Variants in LRRC74A observed in about 807,000 individuals in gnomAD.
LRRC74A encodes leucine-rich repeat-containing protein 74A.
In LRRC74A, 44 loss-of-function variants were observed where a neutral mutation model predicts 57.9. The observed-to-expected ratio is 0.76, with a 90% confidence interval of 0.60 to 0.98. The LOEUF (loss-of-function observed/expected upper bound fraction) is 0.98. Among genes scored for constraint, LRRC74A ranks in the 50% least tolerant of loss-of-function variants. The pLI is 0.00. For missense variants in LRRC74A, 572 were observed against 574.0 expected, an observed-to-expected ratio of 1.00 and a Z score of 0.04; for synonymous variants, 211 against 219.4, an observed-to-expected ratio of 0.96 and a Z score of 0.34.
intron 10 of LRRC74A, among the ~76,000 whole-genome samples, chr14:76,859,662 CT>C (rs1025552496): frequency 0.034 from 2,743 of 80,960 alleles, 22 homozygotes; most frequent in African/African-American, 0.091. Context: ...CTGAATTAGC[CT>C]TTTTTTTTTT....
chr14:76,857,378 A>G lies in LRRC74A; in HGVS notation c.958-2A>G, dbSNP rs1237498133. 2 of 1,566,812 alleles carry G rather than the reference A, an allele frequency of 1.3e-6. No individual in the cohort carries two copies. The highest frequency in any genetic ancestry group is 2.3e-5 in the East Asian group (1 of 43,310). On this transcript the variant is annotated splice_acceptor_variant, in intron 9 of 13. Transcript: ENST00000689127. LOFTEE classifies it high-confidence loss of function. ...CCTCTTGTCTTGATTCTCCCTCTAT[A>G]GCTTTTCCTGAATCCCATAAATATG...
rs12887319 is a variant in LRRC74A at position 76,837,991 on chromosome 14, G to A, written c.544+20G>A. 102,038 of 1,458,868 alleles carry A rather than the reference G, an allele frequency of 0.07. 3,993 individuals are homozygous for A. The highest frequency in any genetic ancestry group is 0.077 in the Non-Finnish European group (82,248 of 1,061,402). 90.4% of individuals were successfully genotyped at this position (1,458,868 alleles called of 1,614,324 possible). ...TTTCAGGTGAGCACATGGAAAGGGA[G>A]GGAGAAGACACTGGGAATCAGAGGG... On this transcript the variant is annotated intron_variant, in intron 5 of 13. Transcript: ENST00000689127.
chr14:76,845,919 G>A (rs1165101521), intron 7 of LRRC74A, among the ~76,000 whole-genome samples: 1 of 152,236 alleles, frequency 6.6e-6, no homozygotes, highest in Admixed American at 6.5e-5. Context: ...TCGGGAAGCT[G>A]AGGCAGGAGA....
At chr14:76,851,749 T>G (rs898156687) in intron 7 of LRRC74A, among the ~76,000 whole-genome samples, 1 of 151,322 alleles carries the variant, frequency 6.6e-6, no homozygotes, top group Admixed American at 6.6e-5. Context: ...CACTGCAACC[T>G]CTGCCTCCCG....
At chr14:76,839,762 G>A (rs1395504299) in intron 5 of LRRC74A, among the ~76,000 whole-genome samples, 1 of 152,132 alleles carries the variant, frequency 6.6e-6, no homozygotes, top group Non-Finnish European at 1.5e-5. Context: ...ATGTTAGAAT[G>A]TTAGATACGG....
intron 7 of LRRC74A, among the ~76,000 whole-genome samples, chr14:76,848,695 G>GTTC (rs1268867754): frequency 6.6e-6 from 1 of 152,208 alleles, no homozygotes; most frequent in African/African-American, 2.4e-5. Flanking sequence ...TCCAAGGAGA[G>GTTC]TTCTTAAGGA....
Position 76,845,422 on chromosome 14 carries a change from A to T in LRRC74A, c.676+521A>T, listed in dbSNP as rs536308939. On this transcript the variant is annotated intron_variant, in intron 7 of 13. Coordinates refer to ENST00000689127, the MANE Select transcript of LRRC74A (RefSeq NM_001385106.1). ...CAAACACCTGGACATGGGAAGTAAAACTTTACGATGATTAGAAGAACACAG... is the reference window on the plus strand; with the variant it reads ...CAAACACCTGGACATGGGAAGTAAATCTTTACGATGATTAGAAGAACACAG... Among the ~76,000 whole-genome samples, 3 of 152,210 alleles carry T rather than the reference A, an allele frequency of 2.0e-5. No homozygotes were observed. In the South Asian group the frequency reaches 6.2e-4, roughly 32 times the overall value.
chr14:76,849,403 C>T (rs542378757), intron 7 of LRRC74A, among the ~76,000 whole-genome samples: 1 of 151,992 alleles, frequency 6.6e-6, no homozygotes, highest in African/African-American at 2.4e-5. Context: ...GTGATCCACC[C>T]TCCTCGGCCT....
chr14:76,833,078 G>A (rs1205790922), intron 3 of LRRC74A, among the ~76,000 whole-genome samples: 1 of 152,216 alleles, frequency 6.6e-6, no homozygotes, highest in Non-Finnish European at 1.5e-5. Context: ...GGATCTGAAA[G>A]AAGAAAAGGA....
intron 6 of LRRC74A, among the ~76,000 whole-genome samples, 159 bp downstream of exon 6, chr14:76,844,631 G>A (rs1177976290): frequency 6.6e-6 from 1 of 152,128 alleles, no homozygotes. Flanking sequence ...CACAGCAAAT[G>A]GTAGAGCTGT....
At chr14:76,855,827 G>C (rs545668271) in intron 9 of LRRC74A, among the ~76,000 whole-genome samples, 1 of 152,312 alleles carries the variant, frequency 6.6e-6, no homozygotes, top group Non-Finnish European at 1.5e-5. Flanking sequence ...TCAATAATAA[G>C]AACTATTGTT....
At chr14:76,851,637 T>A (rs1389424317) in intron 7 of LRRC74A, among the ~76,000 whole-genome samples, 7 of 151,422 alleles carry the variant, frequency 4.6e-5, no homozygotes, top group Admixed American at 4.6e-4. Context: ...GGATTACAGG[T>A]GTGAGCCACC....
At chr14:76,827,456 G>A (rs567294130) in intron 1 of LRRC74A, among the ~76,000 whole-genome samples, 12 of 152,126 alleles carry the variant, frequency 7.9e-5, no homozygotes, top group Non-Finnish European at 1.6e-4. Context: ...GCATGGCATG[G>A]CTTCTTGAAA....
At chr14:76,860,950 C>T in intron 11 of LRRC74A, 111 bp downstream of exon 11, 3 of 1,028,488 alleles carry the variant, frequency 2.9e-6, no homozygotes, top group Non-Finnish European at 1.4e-6. Flanking sequence ...GTACAACCCT[C>T]TCTGATAAGG....
At chr14:76,853,909 T>C (rs779221976) in intron 9 of LRRC74A, among the ~76,000 whole-genome samples, 8 of 152,266 alleles carry the variant, frequency 5.3e-5, no homozygotes, top group Non-Finnish European at 7.4e-5. Context: ...TGAGCCACTG[T>C]GCCTAGCCCT....
rs192737198 is a variant in LRRC74A, at chr14:76,846,190, G to A, written c.676+1289G>A. 2.6e-5 allele frequency among the ~76,000 whole-genome samples: 4 copies of A among 152,302 alleles called. No homozygotes were observed. In the East Asian group the frequency reaches 7.7e-4, roughly 29 times the overall value. On this transcript the variant is annotated intron_variant, in intron 7 of 13. Transcript: ENST00000689127. ...ATATGCATAGCAAAAGAAGAAAGTC[G>A]AGTGCCCACATCTCTTAACTAGTTA...
intron 5 of LRRC74A, among the ~76,000 whole-genome samples, chr14:76,840,213 G>A (rs1308521184): frequency 6.6e-6 from 1 of 152,172 alleles, no homozygotes; most frequent in African/African-American, 2.4e-5. Context: ...TCAGGAGGCT[G>A]AGGTGGGAAA....
chr14:76,829,089 A>G, intron 2 of LRRC74A: 1 of 1,289,388 alleles, frequency 7.8e-7, no homozygotes, highest in Non-Finnish European at 1.0e-6. Context: ...CTCTCCTCCC[A>G]GTTTCCCCAA....
At chr14:76,862,988 G>C (rs535554615) in intron 11 of LRRC74A, among the ~76,000 whole-genome samples, 12 of 152,108 alleles carry the variant, frequency 7.9e-5, no homozygotes, top group African/African-American at 2.4e-4. Flanking sequence ...CTGGCAATGG[G>C]GAGTGAATTG....
Sources: allele counts gnomAD v4.1 joint callset (sites outside exome capture counted in the v4.1 genomes callset), GRCh38; gene constraint gnomAD v4.1.1; transcripts MANE v1.5; gene names NCBI Gene and HGNC (gene_info 2026-07-23, HGNC 2026-07-21).